The following FOXP1 variants were observed in gnomAD, a reference collection of about 807,000 sequenced individuals.
FOXP1 encodes forkhead box P1.
Under a neutral mutation model 98.2 loss-of-function variants are expected in FOXP1, and 15 were observed. The ratio of observed to expected loss-of-function variants is 0.15; its 90% CI spans 0.10 to 0.24. The LOEUF is 0.24. FOXP1 is among the 10% of genes least tolerant of loss of function. The pLI is 1.00. For synonymous variants in FOXP1, 371 were observed against 314.5 expected (o/e 1.18, Z -1.90); for missense variants, 633 against 848.5 (o/e 0.75, Z 3.15).
intron 2 of FOXP1, among the ~76,000 whole-genome samples, chr3:71,580,348 T>C (rs2048067517): frequency 6.6e-6 from 1 of 151,984 alleles, no homozygotes; most frequent in Non-Finnish European, 1.5e-5. Context: ...GTTCCTTTTT[T>C]ATATTTTTCT....
chr3:71,088,509 C>A (rs534246189), intron 7 of FOXP1, among the ~76,000 whole-genome samples: 24 of 151,914 alleles, frequency 1.6e-4, no homozygotes, highest in Non-Finnish European at 3.1e-4. Flanking sequence ...TAGGTCAACA[C>A]AACCACCCAA....
chr3:71,030,825 T>C (rs187997332), intron 11 of FOXP1, among the ~76,000 whole-genome samples: 1 of 152,362 alleles, frequency 6.6e-6, no homozygotes, highest in Admixed American at 6.5e-5. Flanking sequence ...TAAAGTAAAC[T>C]GCCATTTTTC....
At chr3:71,198,432 G>GGGGGGGGGGGGC in intron 5 of FOXP1, 40 bp from the exon 6 acceptor site, 5 of 491,028 alleles carry the variant, frequency 1.0e-5, no homozygotes, top group South Asian at 1.5e-5. Flanking sequence ...GGGAGGGGGG[G>GGGGGGGGGGGGC]AGAAAAAAAA....
chr3:71,217,783 G>A (rs529402060), intron 5 of FOXP1, among the ~76,000 whole-genome samples: 2 of 152,294 alleles, frequency 1.3e-5, no homozygotes, highest in African/African-American at 4.8e-5. Flanking sequence ...CCAAAGCAGA[G>A]AGAATGAGGG....
At chr3:71,498,150 G>GGCCT (rs1200034053) in intron 2 of FOXP1, among the ~76,000 whole-genome samples, 1 of 152,150 alleles carries the variant, frequency 6.6e-6, no homozygotes, top group Admixed American at 6.5e-5. Context: ...ATGCCACCGG[G>GGCCT]GCCTGCCTTG....
intron 6 of FOXP1, among the ~76,000 whole-genome samples, chr3:71,188,166 T>A (rs912098585): frequency 1.3e-5 from 2 of 152,218 alleles, no homozygotes; most frequent in African/African-American, 4.8e-5. Flanking sequence ...TACGCACAAT[T>A]TTCCCTCTAC....
chr3:71,199,806 G>A (rs1285455611), intron 5 of FOXP1, among the ~76,000 whole-genome samples: 16 of 151,598 alleles, frequency 1.1e-4, no homozygotes, highest in Admixed American at 7.2e-4. Context: ...GGCCAGGCGC[G>A]GTGGCTCACG....
intron 4 of FOXP1, among the ~76,000 whole-genome samples, chr3:71,303,654 A>G (rs2074036801): frequency 6.6e-6 from 1 of 152,222 alleles, no homozygotes. Context: ...TATTTTCTAT[A>G]GTGAAGAAAA....
chr3:70,982,136 CTTAA>C (rs1339226532), intron 14 of FOXP1, among the ~76,000 whole-genome samples: 3 of 152,130 alleles, frequency 2.0e-5, no homozygotes, highest in Admixed American at 6.5e-5. Flanking sequence ...AACCTGCTCT[CTTAA>C]TTAAGGCCTC....
intron 3 of FOXP1, among the ~76,000 whole-genome samples, chr3:71,389,724 T>A (rs1198261051): frequency 1.3e-5 from 2 of 152,202 alleles, no homozygotes; most frequent in Non-Finnish European, 2.9e-5. Flanking sequence ...AGGTTCTATT[T>A]TTAATCACTT....
At position 71,073,495 on chromosome 3, in the gene FOXP1, G is replaced by A. The variant is rs539340889; in HGVS notation, c.283-19722C>T. On this transcript the variant is annotated intron_variant, in intron 7 of 20. Transcript: ENST00000649528. ...AATCCTATAACCTCCACTGCACATA[G>A]AGAAGGCTACCTGGAGTTTGAAGCA... Among the ~76,000 whole-genome samples the A allele has an allele frequency of 3.3e-5, 5 of 152,304 alleles. No individual in the cohort carries two copies. In the South Asian group the frequency reaches 1.0e-3, roughly 32 times the overall value.
At chr3:71,529,337 C>A (rs189690941) in intron 2 of FOXP1, among the ~76,000 whole-genome samples, 57 of 152,276 alleles carry the variant, frequency 3.7e-4, no homozygotes, top group African/African-American at 1.3e-3. Context: ...AGTCTCTTTG[C>A]CCTCTTTGGA....
intron 14 of FOXP1, among the ~76,000 whole-genome samples, chr3:70,984,352 C>T (rs897915359): frequency 6.6e-6 from 1 of 152,202 alleles, no homozygotes; most frequent in African/African-American, 2.4e-5. Flanking sequence ...GACCTCTTAC[C>T]ATTTCTTCCT....
intron 2 of FOXP1, among the ~76,000 whole-genome samples, chr3:71,565,324 T>C (rs1001592951): frequency 6.6e-6 from 1 of 152,196 alleles, no homozygotes; most frequent in Non-Finnish European, 1.5e-5. Context: ...ACATTCCTTA[T>C]TGGTACCTTT....
At chr3:71,563,230 T>A (rs1225392626) in intron 2 of FOXP1, among the ~76,000 whole-genome samples, 1 of 152,094 alleles carries the variant, frequency 6.6e-6, no homozygotes, top group Non-Finnish European at 1.5e-5. Flanking sequence ...CTCTATGGGG[T>A]GCAGTAGGTT....
At chr3:71,348,581 A>C (rs1051017413) in intron 4 of FOXP1, among the ~76,000 whole-genome samples, 1 of 149,480 alleles carries the variant, frequency 6.7e-6, no homozygotes, top group Non-Finnish European at 1.5e-5. Context: ...GCATGTGTGT[A>C]TAAGTCACAC....
intron 6 of FOXP1, among the ~76,000 whole-genome samples, chr3:71,178,031 G>C (rs1384970222): frequency 3.4e-5 from 5 of 149,206 alleles, no homozygotes; most frequent in Non-Finnish European, 7.4e-5. Flanking sequence ...ATGAGGTCTC[G>C]CTATGTTGCC....
At chr3:71,025,527 G>A (rs2107833840) in intron 11 of FOXP1, among the ~76,000 whole-genome samples, 1 of 152,264 alleles carries the variant, frequency 6.6e-6, no homozygotes, top group African/African-American at 2.4e-5. Context: ...TAAGGGGGTG[G>A]CACTGGGCAA....
intron 4 of FOXP1, among the ~76,000 whole-genome samples, chr3:71,329,220 T>C (rs2076136670): frequency 6.6e-6 from 1 of 151,502 alleles, no homozygotes; most frequent in Non-Finnish European, 1.5e-5. Context: ...GACCTCTTTT[T>C]TTTTCTTTTT....
Sources: allele counts gnomAD v4.1 joint callset (sites outside exome capture counted in the v4.1 genomes callset), GRCh38; gene constraint gnomAD v4.1.1; transcripts MANE v1.5; gene names NCBI Gene and HGNC (gene_info 2026-07-23, HGNC 2026-07-21).